CCDC138: variants seen among roughly 807,000 people sequenced by gnomAD.
The protein encoded by CCDC138 is coiled-coil domain-containing protein 138.
In CCDC138, 66 loss-of-function variants were observed where a neutral mutation model predicts 82.3. The observed-to-expected ratio is 0.80, with a 90% CI of 0.66 to 0.98. The LOEUF is 0.98. Among genes scored for constraint, CCDC138 ranks in the 50% least tolerant of loss-of-function variants. The pLI is 0.00. For missense variants in CCDC138, 816 were observed against 758.9 expected (o/e 1.08, Z -0.88); for synonymous variants, 297 against 265.4 (o/e 1.12, Z -1.16).
intron 6 of CCDC138, among the ~76,000 whole-genome samples, chr2:108,800,698 A>T (rs1336534647): frequency 8.7e-6 from 1 of 114,348 alleles, no homozygotes; most frequent in Non-Finnish European, 1.7e-5. Flanking sequence ...ACACATGTAT[A>T]CATGTGCCAT....
At chr2:108,844,129 G>A (rs746734212) in intron 11 of CCDC138, among the ~76,000 whole-genome samples, 4 of 151,832 alleles carry the variant, frequency 2.6e-5, no homozygotes, top group South Asian at 2.1e-4. Context: ...CCAAAGTGCC[G>A]GGAGTGCAAC....
chr2:108,831,778 G>C (rs934787897), intron 10 of CCDC138, among the ~76,000 whole-genome samples: 2 of 148,334 alleles, frequency 1.3e-5, no homozygotes, highest in Non-Finnish European at 2.9e-5. Context: ...TGTTGCCCAG[G>C]CTGGAGCGCA....
intron 7 of CCDC138, among the ~76,000 whole-genome samples, chr2:108,811,927 A>G (rs1415054857): frequency 6.6e-6 from 1 of 152,142 alleles, no homozygotes; most frequent in Non-Finnish European, 1.5e-5. Context: ...AGCTCCATCC[A>G]TGTTGCTGCA....
At chr2:108,793,972 C>T (rs1319525931) in intron 4 of CCDC138, among the ~76,000 whole-genome samples, 1 of 152,106 alleles carries the variant, frequency 6.6e-6, no homozygotes, top group African/African-American at 2.4e-5. Context: ...ATAGCCAAAT[C>T]AGCTCAAATT....
At chr2:108,829,640 G>A (rs1687213578) in intron 10 of CCDC138, among the ~76,000 whole-genome samples, 1 of 152,186 alleles carries the variant, frequency 6.6e-6, no homozygotes, top group Non-Finnish European at 1.5e-5. Context: ...CAGCTACTTG[G>A]GAGGCTGAGG....
intron 13 of CCDC138, among the ~76,000 whole-genome samples, 189 bp downstream of exon 13, chr2:108,857,159 A>C (rs1456094323): frequency 8.1e-6 from 1 of 123,410 alleles, no homozygotes; most frequent in Non-Finnish European, 1.6e-5. Context: ...GCTCACTGCA[A>C]CCTCTGACTC....
chr2:108,838,388 T>C (rs760177272), intron 10 of CCDC138, among the ~76,000 whole-genome samples: 2 of 152,344 alleles, frequency 1.3e-5, no homozygotes, highest in Non-Finnish European at 1.5e-5. Flanking sequence ...GGAGAATCTT[T>C]ATACAGTTGA....
chr2:108,858,083 C>T (rs1692923384), intron 13 of CCDC138, among the ~76,000 whole-genome samples: 2 of 152,210 alleles, frequency 1.3e-5, no homozygotes, highest in Non-Finnish European at 2.9e-5. Flanking sequence ...GTGGCTCATG[C>T]CTGTAATCCC....
At chr2:108,843,643 G>A (rs2150534212) in intron 11 of CCDC138, among the ~76,000 whole-genome samples, 1 of 152,096 alleles carries the variant, frequency 6.6e-6, no homozygotes, top group East Asian at 1.9e-4. Context: ...TCTGTCATTT[G>A]AGTTATTTTC....
intron 13 of CCDC138, 168 bp from the exon 14 acceptor site, chr2:108,873,283 G>A (rs912568711): frequency 8.3e-6 from 2 of 241,688 alleles, no homozygotes; most frequent in Non-Finnish European, 1.2e-5. Flanking sequence ...GCCAGTGGAT[G>A]TTTTAATTTT....
chr2:108,872,409 A>C (rs892449274), intron 13 of CCDC138, among the ~76,000 whole-genome samples: 1 of 152,212 alleles, frequency 6.6e-6, no homozygotes, highest in African/African-American at 2.4e-5. Flanking sequence ...CTGTGAAAGT[A>C]ATGAGTTTGG....
chr2:108,849,811 C>A (rs1378692475), intron 12 of CCDC138, among the ~76,000 whole-genome samples: 2 of 152,246 alleles, frequency 1.3e-5, no homozygotes, highest in African/African-American at 2.4e-5. Context: ...CAGTGTTCAT[C>A]TACTACCTGG....
At chr2:108,842,363 G>A (rs1453912731) in intron 11 of CCDC138, among the ~76,000 whole-genome samples, 1 of 152,012 alleles carries the variant, frequency 6.6e-6, no homozygotes. Flanking sequence ...ATTACTTTTA[G>A]GTCCTGGGAG....
At chr2:108,869,504 A>C (rs1377133612) in intron 13 of CCDC138, among the ~76,000 whole-genome samples, 1 of 152,168 alleles carries the variant, frequency 6.6e-6, no homozygotes, top group Non-Finnish European at 1.5e-5. Flanking sequence ...CTCAGGAAGA[A>C]GGCCAAGGAA....
intron 13 of CCDC138, among the ~76,000 whole-genome samples, chr2:108,859,486 A>G (rs1375135057): frequency 2.6e-5 from 4 of 152,148 alleles, no homozygotes; most frequent in Non-Finnish European, 5.9e-5. Context: ...GCCAATGTCC[A>G]GAAGAGTATT....
intron 10 of CCDC138, among the ~76,000 whole-genome samples, chr2:108,821,182 A>AC (rs1284754628): frequency 6.6e-6 from 1 of 151,972 alleles, no homozygotes; most frequent in Non-Finnish European, 1.5e-5. Context: ...ACATGGTGAA[A>AC]CCCCATCTCT....
chr2:108,850,057 A>G (rs762224476), intron 12 of CCDC138, among the ~76,000 whole-genome samples: 6 of 152,208 alleles, frequency 3.9e-5, no homozygotes, highest in Non-Finnish European at 8.8e-5. Flanking sequence ...CCTAGGAAGA[A>G]ATGTCAGAGC....
rs760986449 is a variant in CCDC138 at position 108,818,046 on chromosome 2, C to G, written c.1206+1941C>G. On this transcript the variant is annotated intron_variant, in intron 10 of 14. Transcript: ENST00000295124. ...GAGGGCTGGGCACGGTGGCTCATACCTGTAATCCTTGCACTTCGGGAGGTT... is the reference window on the plus strand; with the variant it reads ...GAGGGCTGGGCACGGTGGCTCATACGTGTAATCCTTGCACTTCGGGAGGTT... Among the ~76,000 whole-genome samples the G allele has an allele frequency of 5.3e-5, 8 of 152,288 alleles. 1 individual carries two copies. In the South Asian group the frequency reaches 1.7e-3, roughly 32 times the overall value.
chr2:108,836,737 C>T (rs1688633367), intron 10 of CCDC138, among the ~76,000 whole-genome samples: 1 of 152,064 alleles, frequency 6.6e-6, no homozygotes, highest in Non-Finnish European at 1.5e-5. Context: ...TAATTTTTTT[C>T]ATCACTGTTT....
Sources: gnomAD v4.1 joint callset for allele counts (sites outside exome capture counted in the v4.1 genomes callset) on GRCh38, gnomAD v4.1.1 for gene constraint, MANE v1.5 for transcripts, NCBI Gene and HGNC (gene_info 2026-07-23, HGNC 2026-07-21) for gene names.